ANK3: variants seen among roughly 807,000 people sequenced by gnomAD.
ANK3 encodes the protein ankyrin 3.
A neutral mutation model predicts 370.9 loss-of-function variants in ANK3; 57 were observed. That is an observed-to-expected ratio of 0.15 (90% CI 0.12 to 0.19). The LOEUF is 0.19. Among genes scored for constraint, ANK3 ranks in the 10% least tolerant of loss-of-function variants. The probability of loss-of-function intolerance (pLI) is 1.00; values close to 1 mark genes in which losing one functional copy is unlikely to be tolerated. For synonymous variants in ANK3, 1,929 were observed against 1,946.3 expected, an observed-to-expected ratio of 0.99 and a Z score of 0.23; for missense variants, 4,439 against 5,302.1, an observed-to-expected ratio of 0.84 and a Z score of 5.06.
At chr10:60,557,969 A>G (rs1013966416) in intron 2 of ANK3, among the ~76,000 whole-genome samples, 1 of 152,236 alleles carries the variant, frequency 6.6e-6, no homozygotes, top group Admixed American at 6.5e-5. Context: ...AAAAACTAGA[A>G]CACAAATTAG....
At chr10:60,350,727 G>A (rs1258504701) in intron 1 of ANK3, among the ~76,000 whole-genome samples, 1 of 152,180 alleles carries the variant, frequency 6.6e-6, no homozygotes, top group Non-Finnish European at 1.5e-5. Flanking sequence ...ACCACAGTGT[G>A]AGCAGTTTTT....
chr10:60,306,437 A>G (rs939908646), intron 1 of ANK3, among the ~76,000 whole-genome samples: 1 of 63,756 alleles, frequency 1.6e-5, no homozygotes, highest in African/African-American at 4.8e-5. Flanking sequence ...GCATATATAT[A>G]TATATATATA....
intron 8 of ANK3, among the ~76,000 whole-genome samples, chr10:60,221,165 C>T (rs1369829379): frequency 6.6e-6 from 1 of 151,682 alleles, no homozygotes. Flanking sequence ...CTGCAACCTC[C>T]GCCTTCTGGG....
chr10:60,639,229 G>A (rs1334141609), intron 1 of ANK3, among the ~76,000 whole-genome samples: 4 of 151,186 alleles, frequency 2.6e-5, no homozygotes, highest in Non-Finnish European at 3.0e-5. Context: ...TAGCTTCAAA[G>A]TTCTGAAAGA....
Position 60,549,821 on chromosome 10 carries a change from C to T in ANK3, c.96+65365G>A, listed in dbSNP as rs2077050005. On this transcript the variant is annotated intron_variant, in intron 2 of 43. Transcript: ENST00000373827. ...ACATAGAAGGCATTTTGAAAAAAGA[C>T]CTGTTCTGTGAAATGGCTTTAATGC... Among the ~76,000 whole-genome samples the T allele has an allele frequency of 3.3e-5, 5 of 152,050 alleles. No individual in the cohort carries two copies. The South Asian group carries it at 1.0e-3, about 31-fold the overall frequency.
chr10:60,638,732 A>G (rs2078589553), intron 1 of ANK3, among the ~76,000 whole-genome samples: 1 of 152,148 alleles, frequency 6.6e-6, no homozygotes, highest in African/African-American at 2.4e-5. Flanking sequence ...TATGCTCAAT[A>G]ACTTCTAGAG....
chr10:60,238,505 T>C (rs770005090), intron 7 of ANK3, among the ~76,000 whole-genome samples: 23 of 152,012 alleles, frequency 1.5e-4, no homozygotes, highest in Non-Finnish European at 2.4e-4. Context: ...CCCTAAAGAC[T>C]GAGTCTGAGC....
At chr10:60,528,137 C>CTT (rs10677013) in intron 2 of ANK3, among the ~76,000 whole-genome samples, 5 of 111,054 alleles carry the variant, frequency 4.5e-5, no homozygotes, top group African/African-American at 9.2e-5. Flanking sequence ...TCTTCTTCTT[C>CTT]TTTTTTTTTT....
intron 2 of ANK3, among the ~76,000 whole-genome samples, chr10:60,517,221 C>A (rs2076241044): frequency 6.6e-6 from 1 of 152,082 alleles, no homozygotes; most frequent in African/African-American, 2.4e-5. Flanking sequence ...CGTGCCACCA[C>A]ACTGGCTAAT....
At chr10:60,218,948 C>T (rs1386956904) in intron 8 of ANK3, among the ~76,000 whole-genome samples, 1 of 151,948 alleles carries the variant, frequency 6.6e-6, no homozygotes, top group Non-Finnish European at 1.5e-5. Flanking sequence ...TTTATGAAGT[C>T]CCATATTTCT....
rs201704543 is a variant in ANK3, at chr10:60,172,988, G to A, written c.2294C>T (p.Thr765Met). The A allele has an allele frequency of 4.3e-6, 7 of 1,611,462 alleles. No homozygotes were observed. The highest frequency in any genetic ancestry group is 2.2e-5 in the East Asian group (1 of 44,814). Reference sequence around the variant, plus strand: ...CTGCTGTGCTGCTTGATGTAATGGCGTATACCCATTCTGTAGAAGGAAGAT... The same window carrying A: ...CTGCTGTGCTGCTTGATGTAATGGCATATACCCATTCTGTAGAAGGAAGAT... Reference protein sequence around the residue: ...KVNAKTKNGYTPLHQAAQQGH... With the variant: ...KVNAKTKNGYMPLHQAAQQGH... Residue 765 changes from threonine to methionine, a missense_variant, in exon 20 of 44, where the codon ACG becomes ATG. By Grantham distance (81) the Thr-to-Met change is moderately conservative (BLOSUM62 -1). Around this residue, in one of 13 missense-constraint regions of ANK3, gnomAD observed 702 missense variants for 941.5 expected, o/e 0.75. Coordinates refer to ENST00000280772, the MANE Select transcript of ANK3 (RefSeq NM_020987.5).
chr10:60,604,760 A>G (rs532032430), intron 2 of ANK3, among the ~76,000 whole-genome samples: 4 of 152,322 alleles, frequency 2.6e-5, no homozygotes, highest in South Asian at 2.1e-4. Context: ...AACATTTTCA[A>G]TGAGTGGCCA....
chr10:60,705,511 C>T (rs912568826), intron 1 of ANK3, among the ~76,000 whole-genome samples: 1 of 152,138 alleles, frequency 6.6e-6, no homozygotes, highest in Non-Finnish European at 1.5e-5. Flanking sequence ...TATGATGAAA[C>T]TAACTCAGGC....
At chr10:60,654,859 C>A (rs953006255) in intron 1 of ANK3, among the ~76,000 whole-genome samples, 1 of 152,108 alleles carries the variant, frequency 6.6e-6, no homozygotes, top group Admixed American at 6.6e-5. Context: ...ATTATTATCC[C>A]TCTTTTAAAT....
chr10:60,172,147 A>C (rs1181813418), intron 21 of ANK3, among the ~76,000 whole-genome samples, 161 bp downstream of exon 21: 1 of 152,258 alleles, frequency 6.6e-6, no homozygotes, highest in East Asian at 1.9e-4. Context: ...TCATATTAGC[A>C]ATAAGAGTTT....
chr10:60,071,231 G>A lies in ANK3; in HGVS notation c.9650C>T (p.Ser3217Phe), dbSNP rs760221192. 6.2e-7 allele frequency: 1 copy of A among 1,614,138 alleles called. No homozygotes were observed. The highest frequency in any genetic ancestry group is 8.5e-7 in the Non-Finnish European group (1 of 1,180,026). Residue 3217 changes from serine (S) to phenylalanine (F), a missense_variant, in exon 37 of 44, where the codon TCC becomes TTC. This residue lies in a region of ANK3 where 1,601 missense variants were observed against 1,731.7 expected (regional missense o/e 0.92). Transcript: ENST00000280772. Reference protein sequence around the residue: ...SEEEEQAKSTSLKQTTVEETA... With the variant: ...SEEEEQAKSTFLKQTTVEETA... The stretch of plus-strand genomic sequence containing the variant: ...TTCCTCCACTGTAGTCTGCTTAAGG[G>A]AGGTTGACTTGGCCTGTTCCTCCTC...
intron 2 of ANK3, among the ~76,000 whole-genome samples, chr10:60,570,708 A>AGAGT (rs1287325042): frequency 6.6e-6 from 1 of 152,156 alleles, no homozygotes; most frequent in African/African-American, 2.4e-5. Flanking sequence ...GCTTTCATTA[A>AGAGT]GAGTGCCCTA....
intron 2 of ANK3, among the ~76,000 whole-genome samples, chr10:60,612,464 TTTG>T (rs1325144254): frequency 1.3e-5 from 2 of 152,024 alleles, no homozygotes; most frequent in East Asian, 1.9e-4. Context: ...CACTCGGTAT[TTTG>T]TTGTTGTTGT....
intron 23 of ANK3, chr10:60,144,062 A>C (rs145042194): frequency 7.9e-4 from 226 of 285,536 alleles, no homozygotes; most frequent in African/African-American, 5.0e-3. Flanking sequence ...TGAAGACACC[A>C]TCTTGGACAT....
Sources: gnomAD v4.1 joint callset for allele counts (sites outside exome capture counted in the v4.1 genomes callset) on GRCh38, gnomAD v4.1.1 for gene constraint, gnomAD v4.1.1 regional missense constraint, MANE v1.5 for transcripts, NCBI Gene and HGNC (gene_info 2026-07-23, HGNC 2026-07-21) for gene names.